PECAM1: variants seen among roughly 807,000 people sequenced by gnomAD.
The protein encoded by PECAM1 is platelet endothelial cell adhesion molecule.
PECAM1 carries 8 observed loss-of-function variants against 13.8 expected under a neutral mutation model. The observed-to-expected ratio is 0.58, with a 90% CI of 0.34 to 1.05. The LOEUF (loss-of-function observed/expected upper bound fraction) is 1.05. Ranked by LOEUF, PECAM1 falls within the 50% of genes least tolerant of loss-of-function variation. PECAM1 has a pLI of 0.03. For missense variants in PECAM1, 304 were observed against 141.2 expected (o/e 2.15, Z -5.84); for synonymous variants, 136 against 52.6 (o/e 2.58, Z -6.86).
rs79808055 is a variant in PECAM1 at position 64,328,616 on chromosome 17, A to G, written c.2187+1084T>C. Among the ~76,000 whole-genome samples the G allele has an allele frequency of 2.3e-3, 344 of 152,330 alleles. 1 individual carries two copies. Among genetic ancestry groups the G allele is most frequent in the Non-Finnish European group, 3.9e-3 (264 of 68,024 alleles). ...CCTTAAATTCATAGCTTTCTTCCATAAAAAGAATGTCAGTGGCTTCCTGTC... is the reference window on the plus strand; with the variant it reads ...CCTTAAATTCATAGCTTTCTTCCATGAAAAGAATGTCAGTGGCTTCCTGTC... On this transcript the variant is annotated intron_variant, in intron 15 of 15. Coordinates refer to ENST00000563924, the MANE Select transcript of PECAM1 (RefSeq NM_000442.5).
At chr17:64,328,782 C>T (rs1256083120) in intron 15 of PECAM1, among the ~76,000 whole-genome samples, 1 of 152,160 alleles carries the variant, frequency 6.6e-6, no homozygotes, top group East Asian at 1.9e-4. Flanking sequence ...CGGCAAATGC[C>T]TCATTTCTTC....
At position 64,323,319 on chromosome 17, in the gene PECAM1, A is replaced by G; in HGVS notation, c.*497T>C. 9.6e-7 allele frequency: 1 copy of G among 1,040,188 alleles called. No individual in the cohort carries two copies. Among genetic ancestry groups the G allele is most frequent in the Non-Finnish European group, 1.2e-6 (1 of 863,184 alleles). 64.4% of individuals were successfully genotyped at this position (1,040,188 alleles called of 1,614,324 possible). A position where few individuals can be genotyped will look rare whatever the true frequency, so the allele number is the denominator to read the frequency against. ...GGGGACAGGGGGAGGCTGTCTGGTC[A>G]GCACTGTGTATTTCCAAAGAACAAG... is the stretch of plus-strand genomic sequence containing the variant. On this transcript the variant is annotated 3_prime_UTR_variant, in exon 16 of 16. Transcript: ENST00000563924.
chr17:64,369,061 C>T (rs1383559219), intron 5 of PECAM1, among the ~76,000 whole-genome samples: 4 of 150,422 alleles, frequency 2.7e-5, no homozygotes, highest in Non-Finnish European at 5.9e-5. Flanking sequence ...CTCAGCCTCC[C>T]GAGTAGGTGA....
intron 7 of PECAM1, among the ~76,000 whole-genome samples, chr17:64,358,870 C>T (rs2035907733): frequency 6.6e-6 from 1 of 151,182 alleles, no homozygotes; most frequent in Admixed American, 6.6e-5. Context: ...GATATTGGCT[C>T]ACTGCAGCCT....
chr17:64,369,551 T>C (rs13306811), intron 5 of PECAM1, among the ~76,000 whole-genome samples, 199 bp downstream of exon 5: 58,441 of 152,042 alleles, frequency 0.38, 13,111 homozygotes, highest in East Asian at 0.54. Context: ...CCGGAGCCTG[T>C]ACCCTCAACA....
intron 2 of PECAM1, among the ~76,000 whole-genome samples, chr17:64,381,160 A>G (rs1222648371): frequency 6.6e-6 from 1 of 152,168 alleles, no homozygotes; most frequent in Non-Finnish European, 1.5e-5. Context: ...ATTGTCCCTA[A>G]TTTCACAAAG....
At chr17:64,369,709 G>T in intron 5 of PECAM1, 41 bp downstream of exon 5, 1 of 398,562 alleles carries the variant, frequency 2.5e-6, no homozygotes, top group Non-Finnish European at 4.4e-6. Flanking sequence ...GGCCTCTTGA[G>T]CCCGCCATAT....
Position 64,322,470 on chromosome 17 carries a change from T to C in PECAM1, c.*1346A>G. ...AGGAGTCCTCAGCACTATAGATGCA[T>C]GTGGCCCCTCAGAAGACAACATTTC... On this transcript the variant is annotated 3_prime_UTR_variant, in exon 16 of 16. Coordinates refer to ENST00000563924, the MANE Select transcript of PECAM1 (RefSeq NM_000442.5). 1 of 985,442 alleles carries C rather than the reference T, an allele frequency of 1.0e-6. No individual in the cohort carries two copies. The highest frequency in any genetic ancestry group is 1.2e-6 in the Non-Finnish European group (1 of 829,978). 61.0% of individuals were successfully genotyped at this position (985,442 alleles called of 1,614,324 possible).
At chr17:64,369,707 G>A (rs1298464101) in intron 5 of PECAM1, 43 bp downstream of exon 5, 9 of 398,416 alleles carry the variant, frequency 2.3e-5, no homozygotes, top group Non-Finnish European at 4.0e-5. Flanking sequence ...GTGGCCTCTT[G>A]AGCCCGCCAT....
intron 13 of PECAM1, among the ~76,000 whole-genome samples, chr17:64,346,524 C>G (rs1350103881): frequency 6.6e-6 from 1 of 152,076 alleles, no homozygotes; most frequent in Non-Finnish European, 1.5e-5. Context: ...TTAGTAGAGA[C>G]AGGGTTTCAC....
At chr17:64,357,623 T>G (rs1481680488) in intron 7 of PECAM1, among the ~76,000 whole-genome samples, 2 of 152,180 alleles carry the variant, frequency 1.3e-5, no homozygotes, top group African/African-American at 4.8e-5. Flanking sequence ...GGGACACCAG[T>G]GGGCTCAAAT....
chr17:64,362,568 C>T (rs1267365712), intron 6 of PECAM1, among the ~76,000 whole-genome samples: 2 of 151,826 alleles, frequency 1.3e-5, no homozygotes, highest in Admixed American at 6.6e-5. Context: ...AGGAGAATGG[C>T]GTGAACCCAG....
chr17:64,324,864 G>A (rs781890006), intron 15 of PECAM1, among the ~76,000 whole-genome samples: 1 of 152,160 alleles, frequency 6.6e-6, no homozygotes, highest in Admixed American at 6.5e-5. Flanking sequence ...GGTTGCTAGG[G>A]GTTGCTGGAG....
At chr17:64,325,675 T>A (rs2034934761) in intron 15 of PECAM1, among the ~76,000 whole-genome samples, 1 of 152,204 alleles carries the variant, frequency 6.6e-6, no homozygotes, top group Non-Finnish European at 1.5e-5. Context: ...AGATGGAGGT[T>A]GCAGTGAGCT....
chr17:64,337,957 G>C (rs2035325646), intron 14 of PECAM1, among the ~76,000 whole-genome samples: 1 of 150,966 alleles, frequency 6.6e-6, no homozygotes, highest in Non-Finnish European at 1.5e-5. Context: ...AAAACAAAGA[G>C]GGTCTCTGTT....
chr17:64,380,336 T>A (rs1264779572), intron 2 of PECAM1, among the ~76,000 whole-genome samples: 1 of 118,132 alleles, frequency 8.5e-6, no homozygotes, highest in Non-Finnish European at 1.8e-5. Context: ...CTAAAAAAAA[T>A]TAAATAAGTA....
intron 2 of PECAM1, among the ~76,000 whole-genome samples, chr17:64,386,543 CTTTG>C (rs2036598162): frequency 6.6e-6 from 1 of 151,892 alleles, no homozygotes; most frequent in Non-Finnish European, 1.5e-5. Flanking sequence ...TAAAAAAAGA[CTTTG>C]TTTGATTGGA....
chr17:64,338,875 C>A (rs2035353197), intron 14 of PECAM1, among the ~76,000 whole-genome samples: 1 of 152,124 alleles, frequency 6.6e-6, no homozygotes, highest in Non-Finnish European at 1.5e-5. Context: ...GCTTTATAGA[C>A]CCCAAGTGCT....
chr17:64,361,753 C>CAAAAA (rs61144320), intron 6 of PECAM1, among the ~76,000 whole-genome samples: 135 of 67,712 alleles, frequency 2.0e-3, no homozygotes, highest in South Asian at 3.2e-3. Context: ...AACTCCATCT[C>CAAAAA]AAAAAAAAAA....
Sources: allele counts gnomAD v4.1 joint callset (sites outside exome capture counted in the v4.1 genomes callset), GRCh38; gene constraint gnomAD v4.1.1; transcripts MANE v1.5; gene names NCBI Gene and HGNC (gene_info 2026-07-23, HGNC 2026-07-21).